NR3C2: variants seen among roughly 807,000 people sequenced by gnomAD.
The protein encoded by NR3C2 is nuclear receptor subfamily 3 group C member 2.
In NR3C2, 15 loss-of-function variants were observed where a neutral mutation model predicts 86.4. That is an observed-to-expected ratio of 0.17 (90% CI 0.12 to 0.27). The LOEUF is 0.27. Among genes scored for constraint, NR3C2 ranks in the 10% least tolerant of loss-of-function variants. The probability of loss-of-function intolerance (pLI) is 1.00; values close to 1 mark genes in which losing one functional copy is unlikely to be tolerated. For synonymous variants in NR3C2, 458 were observed against 450.5 expected (o/e 1.02, Z -0.21); for missense variants, 960 against 1,195.6 (o/e 0.80, Z 2.91).
At chr4:148,346,984 G>T (rs17484671) in intron 2 of NR3C2, among the ~76,000 whole-genome samples, 29,955 of 151,952 alleles carry the variant, frequency 0.2, 3,209 homozygotes, top group Non-Finnish European at 0.23. Flanking sequence ...CTGAAAACAT[G>T]GAATAAGCCG....
Position 148,078,860 on chromosome 4 carries a change from T to G in NR3C2, c.*2484A>C, listed in dbSNP as rs1730410021. On this transcript the variant is annotated 3_prime_UTR_variant, in exon 9 of 9. Coordinates refer to ENST00000358102, the MANE Select transcript of NR3C2 (RefSeq NM_000901.5). The stretch of plus-strand genomic sequence containing the variant: ...AGATATAAATTGCTTCATTTTAAAC[T>G]AATTTAGTGTTTCTTTAAATTATAT... 6.5e-6 allele frequency: 1 copy of G among 152,680 alleles called. No individual in the cohort carries two copies. Among genetic ancestry groups the G allele is most frequent in the Admixed American group, 6.5e-5 (1 of 15,286 alleles). 9.5% of individuals were successfully genotyped at this position (152,680 alleles called of 1,614,324 possible).
At chr4:148,346,724 T>C (rs1745011712) in intron 2 of NR3C2, among the ~76,000 whole-genome samples, 1 of 152,136 alleles carries the variant, frequency 6.6e-6, no homozygotes, top group African/African-American at 2.4e-5. Context: ...TATGTTGAAA[T>C]AATATTTTGA....
intron 6 of NR3C2, among the ~76,000 whole-genome samples, chr4:148,125,608 C>T (rs1049651598): frequency 6.6e-6 from 1 of 151,912 alleles, no homozygotes; most frequent in African/African-American, 2.4e-5. Context: ...TGCAGAATTT[C>T]TGTGTGTTTA....
At chr4:148,141,584 A>G (rs1009564940) in intron 6 of NR3C2, among the ~76,000 whole-genome samples, 1 of 152,208 alleles carries the variant, frequency 6.6e-6, no homozygotes, top group Non-Finnish European at 1.5e-5. Context: ...AATGATTGAG[A>G]TATAAAAGAA....
At chr4:148,222,698 A>C (rs1737923468) in intron 3 of NR3C2, among the ~76,000 whole-genome samples, 1 of 152,242 alleles carries the variant, frequency 6.6e-6, no homozygotes, top group Non-Finnish European at 1.5e-5. Context: ...ACCTCATTTA[A>C]TTCAGGTAAG....
intron 2 of NR3C2, among the ~76,000 whole-genome samples, chr4:148,294,451 T>C (rs1213341990): frequency 1.3e-5 from 2 of 152,304 alleles, no homozygotes; most frequent in Non-Finnish European, 2.9e-5. Context: ...TTTCTGTATA[T>C]ATACAACCTA....
At chr4:148,296,418 G>C (rs1339186375) in intron 2 of NR3C2, among the ~76,000 whole-genome samples, 1 of 152,072 alleles carries the variant, frequency 6.6e-6, no homozygotes, top group Non-Finnish European at 1.5e-5. Context: ...CAGTGAAAGA[G>C]AACACTGTCT....
chr4:148,299,752 G>C (rs750166336), intron 2 of NR3C2, among the ~76,000 whole-genome samples: 1 of 152,130 alleles, frequency 6.6e-6, no homozygotes, highest in Non-Finnish European at 1.5e-5. Context: ...CTGCAGTTCC[G>C]GCTGATTTTT....
intron 8 of NR3C2, among the ~76,000 whole-genome samples, chr4:148,088,799 C>T (rs1730934926): frequency 6.6e-6 from 1 of 152,164 alleles, no homozygotes; most frequent in African/African-American, 2.4e-5. Flanking sequence ...ACCACCATGG[C>T]ACGTGTACCC....
intron 3 of NR3C2, 99 bp from the exon 4 acceptor site, chr4:148,194,961 GAA>G: frequency 1.4e-5 from 13 of 905,026 alleles, no homozygotes; most frequent in Non-Finnish European, 2.1e-5. Context: ...TTCCTGCCTT[GAA>G]ATCTCTTTCT....
chr4:148,088,321 T>G (rs1369210927), intron 8 of NR3C2, among the ~76,000 whole-genome samples: 1 of 152,186 alleles, frequency 6.6e-6, no homozygotes. Context: ...TCCTCAAGGA[T>G]CTAGAACTAG....
chr4:148,443,920 T>C (rs968551563), upstream of NR3C2: 14 of 870,540 alleles, frequency 1.6e-5, no homozygotes, highest in Non-Finnish European at 1.8e-5. Context: ...TCCCTGGAGA[T>C]AGGGGCGACA....
In NR3C2 at chr4:148,435,734, T is replaced by C. The variant is rs932398471; in HGVS notation, c.1127A>G (p.Lys376Arg). ...EKGAQEVPFP[K>R]TEEVESAISN... Reference sequence around the variant, plus strand: ...GATGGCACTCTCTACTTCCTCAGTCTTAGGAAAAGGGACCTCTTGAGCACC... The same window carrying C: ...GATGGCACTCTCTACTTCCTCAGTCCTAGGAAAAGGGACCTCTTGAGCACC... Residue 376 changes from lysine to arginine, a missense_variant, in exon 2 of 9, where the codon AAG becomes AGG. Lys to Arg is a conservative substitution (Grantham distance 26). This residue lies in a region of NR3C2 where 680 missense variants were observed against 719.0 expected (regional missense o/e 0.95). Coordinates refer to ENST00000358102, the MANE Select transcript of NR3C2 (RefSeq NM_000901.5). 3.1e-6 allele frequency: 5 copies of C among 1,614,170 alleles called. No individual in the cohort carries two copies. The highest frequency in any genetic ancestry group is 4.2e-6 in the Non-Finnish European group (5 of 1,180,020).
intron 8 of NR3C2, among the ~76,000 whole-genome samples, chr4:148,106,426 T>C (rs1454517397): frequency 1.3e-5 from 2 of 152,124 alleles, no homozygotes; most frequent in African/African-American, 4.8e-5. Context: ...ATTGTGAAAA[T>C]GGCCATACTC....
chr4:148,186,236 T>C (rs1335821772), intron 4 of NR3C2, among the ~76,000 whole-genome samples: 1 of 152,248 alleles, frequency 6.6e-6, no homozygotes, highest in African/African-American at 2.4e-5. Flanking sequence ...TCTTTTCATG[T>C]GTTTCAAGAA....
rs182277096 is a variant in NR3C2 at position 148,259,990 on chromosome 4, T to G, written c.1885A>C (p.Arg629=). The change falls in exon 3 of 9, where the codon AGA becomes CGA. Residue 629 remains arginine (R), a synonymous_variant. Coordinates refer to ENST00000358102, the MANE Select transcript of NR3C2 (RefSeq NM_000901.5). ...TCGSCKVFFK[R]AVEGQHNYLC... The stretch of plus-strand genomic sequence containing the variant: ...CATGAACATTTACCTTCCACTGCTC[T>G]TTTGAAGAAAACTTTGCAGCTGCCA... The G allele has an allele frequency of 5.0e-6, 8 of 1,614,150 alleles. No individual in the cohort carries two copies. The East Asian group carries it at 1.8e-4, about 36-fold the overall frequency.
At chr4:148,179,056 T>A (rs1051759256) in intron 4 of NR3C2, among the ~76,000 whole-genome samples, 3 of 151,632 alleles carry the variant, frequency 2.0e-5, no homozygotes, top group African/African-American at 7.2e-5. Flanking sequence ...TTATTAATAC[T>A]GTAATAAAAC....
chr4:148,299,310 C>G (rs976878002), intron 2 of NR3C2, among the ~76,000 whole-genome samples: 3 of 151,798 alleles, frequency 2.0e-5, no homozygotes, highest in African/African-American at 7.3e-5. Context: ...CCTTTTTTTT[C>G]TGAGGCTTTT....
At chr4:148,158,817 G>A (rs1734524319) in intron 4 of NR3C2, among the ~76,000 whole-genome samples, 1 of 152,292 alleles carries the variant, frequency 6.6e-6, no homozygotes, top group Admixed American at 6.5e-5. Context: ...GCTGTGGTCT[G>A]TAGCATAAAC....
Sources: gnomAD v4.1 joint callset for allele counts (sites outside exome capture counted in the v4.1 genomes callset) on GRCh38, gnomAD v4.1.1 for gene constraint, gnomAD v4.1.1 regional missense constraint, MANE v1.5 for transcripts, NCBI Gene and HGNC (gene_info 2026-07-23, HGNC 2026-07-21) for gene names.